Variants in ACVR1C observed in about 807,000 individuals in gnomAD.
The protein encoded by ACVR1C is activin A receptor type 1C.
In ACVR1C, 23 loss-of-function variants were observed where a neutral mutation model predicts 57.9. The ratio of observed to expected loss-of-function variants is 0.40; its 90% CI spans 0.29 to 0.56. The LOEUF (loss-of-function observed/expected upper bound fraction) is 0.56, where lower values mean the gene tolerates loss of function less well. Among genes scored for constraint, ACVR1C ranks in the 20% least tolerant of loss-of-function variants. ACVR1C has a pLI of 0.50. For missense variants in ACVR1C, 480 were observed against 607.9 expected (o/e 0.79, Z 2.21); for synonymous variants, 214 against 215.3 (o/e 0.99, Z 0.05).
At chr2:157,609,099 A>G (rs770829394) in intron 1 of ACVR1C, among the ~76,000 whole-genome samples, 8 of 151,474 alleles carry the variant, frequency 5.3e-5, no homozygotes, top group Admixed American at 1.3e-4. Flanking sequence ...TAGTGTGGGC[A>G]TTTATCTCTA....
In ACVR1C at chr2:157,566,617, C is replaced by T. The variant is rs540762268; in HGVS notation, c.305-10285G>A. ...GGGGTGATGGACGCACCTGGAAAATCGGGTCACTCCCACCCGAATATTGCG... is the reference window on the plus strand; with the variant it reads ...GGGGTGATGGACGCACCTGGAAAATTGGGTCACTCCCACCCGAATATTGCG... On this transcript the variant is annotated intron_variant, in intron 2 of 8. Coordinates refer to ENST00000243349, the MANE Select transcript of ACVR1C (RefSeq NM_145259.3). Among the ~76,000 whole-genome samples, 24 of 152,086 alleles carry T rather than the reference C, an allele frequency of 1.6e-4. No individual in the cohort carries two copies. The South Asian group carries it at 3.7e-3, about 24-fold the overall frequency.
chr2:157,576,765 G>T (rs1414366133), intron 2 of ACVR1C, among the ~76,000 whole-genome samples: 2 of 149,508 alleles, frequency 1.3e-5, no homozygotes, highest in African/African-American at 2.5e-5. Context: ...GGAAGAGTTT[G>T]TGTAAGAATT....
At chr2:157,554,263 G>GAAAGAAAGAAAGAAAGAAAGAAAGAA (rs1688017698) in intron 3 of ACVR1C, among the ~76,000 whole-genome samples, 1 of 127,614 alleles carries the variant, frequency 7.8e-6, no homozygotes, top group Non-Finnish European at 1.6e-5. Flanking sequence ...AAGAAAGAAA[G>GAAAGAAAGAAAGAAAGAAAGAAAGAA]AAAGAAAGGA....
rs201285465 is a variant in ACVR1C, at chr2:157,550,114, C to T, written c.775+48G>A. The T allele has an allele frequency of 1.0e-4, 164 of 1,565,146 alleles. 1 individual carries two copies. Among genetic ancestry groups the T allele is most frequent in the Middle Eastern group, 6.7e-4 (4 of 5,966 alleles). Reference sequence around the variant, plus strand: ...ATTTTTTTTTTGAGACAGAGTCTCGCTCTAGACAGCATTTTTTACTTGTTG... The same window carrying T: ...ATTTTTTTTTTGAGACAGAGTCTCGTTCTAGACAGCATTTTTTACTTGTTG... On this transcript the variant is annotated intron_variant, in intron 4 of 8. Coordinates refer to ENST00000243349, the MANE Select transcript of ACVR1C (RefSeq NM_145259.3).
chr2:157,600,345 T>A (rs1417881000), intron 1 of ACVR1C, among the ~76,000 whole-genome samples: 1 of 152,284 alleles, frequency 6.6e-6, no homozygotes, highest in South Asian at 2.1e-4. Flanking sequence ...AAATATGCCA[T>A]GAAATACAAA....
chr2:157,625,248 C>T lies in ACVR1C; in HGVS notation c.73+3324G>A, dbSNP rs142167112. ...CCAGCTTTTCCTGCAGTCTGCCCCA[C>T]CCCAATTAAGGGTCCATTCTTCCAT... On this transcript the variant is annotated intron_variant, in intron 1 of 8. Coordinates refer to ENST00000243349, the MANE Select transcript of ACVR1C (RefSeq NM_145259.3). Among the ~76,000 whole-genome samples, 583 of 152,262 alleles carry T rather than the reference C, an allele frequency of 3.8e-3. 2 individuals carry two copies. Among genetic ancestry groups the T allele is most frequent in the African/African-American group, 0.013 (540 of 41,552 alleles).
intron 1 of ACVR1C, among the ~76,000 whole-genome samples, chr2:157,617,649 A>G (rs939992206): frequency 2.0e-5 from 3 of 152,068 alleles, no homozygotes; most frequent in African/African-American, 7.2e-5. Context: ...ATCCAAAAAG[A>G]AAAGTGTTGA....
intron 2 of ACVR1C, among the ~76,000 whole-genome samples, chr2:157,561,307 A>G (rs1217926180): frequency 1.3e-5 from 2 of 152,210 alleles, no homozygotes; most frequent in African/African-American, 4.8e-5. Context: ...TCACGCATAA[A>G]AAAGAAAGCA....
At chr2:157,562,465 A>AAAAT (rs1447096539) in intron 2 of ACVR1C, among the ~76,000 whole-genome samples, 3 of 8,252 alleles carry the variant, frequency 3.6e-4, no homozygotes, top group Non-Finnish European at 1.2e-3. Flanking sequence ...CCAAAAAAAT[A>AAAAT]AAATAAAATA....
chr2:157,624,038 C>A (rs1256791079), intron 1 of ACVR1C, among the ~76,000 whole-genome samples: 1 of 152,018 alleles, frequency 6.6e-6, no homozygotes, highest in Non-Finnish European at 1.5e-5. Flanking sequence ...AAAATAAACT[C>A]TTTATATATA....
chr2:157,550,478 A>G lies in ACVR1C; in HGVS notation c.545-86T>C, dbSNP rs1035330161. On this transcript the variant is annotated intron_variant, in intron 3 of 8. Transcript: ENST00000243349. ...AATCACTGTTTTCAGATTTTAAAAA[A>G]GCAAACATTTAAATGCTTTAATAAT... The G allele has an allele frequency of 3.2e-6, 4 of 1,256,838 alleles. No homozygotes were observed. The African/African-American group carries it at 4.5e-5, about 14-fold the overall frequency. 77.9% of individuals were successfully genotyped at this position (1,256,838 alleles called of 1,614,324 possible).
chr2:157,587,521 G>T (rs758340370), intron 1 of ACVR1C, 104 bp from the exon 2 acceptor site: 36 of 892,560 alleles, frequency 4.0e-5, no homozygotes, highest in Non-Finnish European at 6.0e-5. Context: ...AATGGAAAAA[G>T]GGTTTAAATA....
chr2:157,542,081 T>C (rs911020980), intron 6 of ACVR1C, among the ~76,000 whole-genome samples: 1 of 152,222 alleles, frequency 6.6e-6, no homozygotes, highest in Non-Finnish European at 1.5e-5. Flanking sequence ...TGCTCATTCT[T>C]AATCTTCAGA....
At chr2:157,576,843 T>C (rs1207071675) in intron 2 of ACVR1C, among the ~76,000 whole-genome samples, 1 of 34,304 alleles carries the variant, frequency 2.9e-5, no homozygotes. Flanking sequence ...TTCTTTTTTT[T>C]TTTTTTTTTT....
At chr2:157,539,638 C>A (rs1040792098) in intron 7 of ACVR1C, among the ~76,000 whole-genome samples, 3 of 152,172 alleles carry the variant, frequency 2.0e-5, no homozygotes, top group Middle Eastern at 6.8e-3. Flanking sequence ...TGCCTTAAGG[C>A]CTTTACAGGT....
chr2:157,526,949 G>A lies in ACVR1C; in HGVS notation c.*6969C>T, dbSNP rs1687243961. 6.6e-6 allele frequency: 1 copy of A among 152,036 alleles called. No homozygotes were observed. The highest frequency in any genetic ancestry group is 6.6e-5 in the Admixed American group (1 of 15,240). The allele number at this position is 152,036 out of a possible 1,614,324, so 9.4% of individuals were successfully genotyped here. ...ATCTGAAGACAGATGAAAGTTACACGATAATATTAAAAAGCTTTAAAATAA... is the reference window on the plus strand; with the variant it reads ...ATCTGAAGACAGATGAAAGTTACACAATAATATTAAAAAGCTTTAAAATAA... On this transcript the variant is annotated 3_prime_UTR_variant, in exon 9 of 9. Transcript: ENST00000243349.
chr2:157,565,171 A>G (rs1347943707), intron 2 of ACVR1C, among the ~76,000 whole-genome samples: 1 of 152,212 alleles, frequency 6.6e-6, no homozygotes, highest in African/African-American at 2.4e-5. Flanking sequence ...GAAATAAGAA[A>G]AAGATTATCA....
chr2:157,628,460 C>T, intron 1 of ACVR1C, 112 bp downstream of exon 1: 1 of 1,264,000 alleles, frequency 7.9e-7, no homozygotes. Context: ...CCCTGTCCGC[C>T]CCGAAGGTCA....
chr2:157,542,526 G>A (rs75349715), intron 6 of ACVR1C, among the ~76,000 whole-genome samples, 180 bp downstream of exon 6: 5 of 152,148 alleles, frequency 3.3e-5, no homozygotes. Context: ...CAAAGTGCCA[G>A]CTCTCCTTGC....
Sources: allele counts gnomAD v4.1 joint callset (sites outside exome capture counted in the v4.1 genomes callset), GRCh38; gene constraint gnomAD v4.1.1; transcripts MANE v1.5; gene names NCBI Gene and HGNC (gene_info 2026-07-23, HGNC 2026-07-21).